The following PBRM1 variants were observed in gnomAD, a reference collection of about 807,000 sequenced individuals.
PBRM1 encodes polybromo 1, also known as protein polybromo-1.
PBRM1 carries 27 observed loss-of-function variants against 194.5 expected under a neutral mutation model. The ratio of observed to expected loss-of-function variants is 0.14; its 90% CI spans 0.10 to 0.19. The LOEUF is 0.19. PBRM1 is among the 10% of genes least tolerant of loss of function. The pLI is 1.00. For missense variants in PBRM1, 1,466 were observed against 2,077.2 expected (o/e 0.71, Z 5.72); for synonymous variants, 655 against 693.2 (o/e 0.94, Z 0.87).
In PBRM1 at chr3:52,550,571, G is replaced by A. The variant is rs144852450; in HGVS notation, c.4747C>T (p.Pro1583Ser). Residue 1583 changes from proline to serine, a missense_variant, in exon 29 of 30, where the codon CCC (proline) becomes TCC (serine). Physicochemically the swap from Pro to Ser is moderately conservative, Grantham distance 74. Coordinates refer to ENST00000296302, the Ensembl canonical transcript of PBRM1. Reference sequence around the variant, plus strand: ...GTTGTTGGCTGCTGTATGACAGGGGGTCCAGCTGGATGTGGGCCGGGATAT... The same window carrying A: ...GTTGTTGGCTGCTGTATGACAGGGGATCCAGCTGGATGTGGGCCGGGATAT... The A allele has an allele frequency of 3.9e-4, 602 of 1,544,068 alleles. 1 individual carries two copies. In the Middle Eastern group the frequency reaches 5.9e-3, roughly 15 times the overall value.
At chr3:52,640,364 C>G (rs999590794) in intron 10 of PBRM1, among the ~76,000 whole-genome samples, 8 of 151,678 alleles carry the variant, frequency 5.3e-5, no homozygotes, top group African/African-American at 1.9e-4. Context: ...CTCAACCTCC[C>G]TGGGCTCAGG....
At chr3:52,569,715 G>T (rs749495072) in intron 22 of PBRM1, among the ~76,000 whole-genome samples, 51 of 152,282 alleles carry the variant, frequency 3.3e-4, no homozygotes, top group Middle Eastern at 3.4e-3. Flanking sequence ...TTTTCATACA[G>T]ATGTGGCATA....
chr3:52,587,769 C>T (rs984755623), intron 18 of PBRM1, among the ~76,000 whole-genome samples: 2 of 150,118 alleles, frequency 1.3e-5, no homozygotes, highest in African/African-American at 4.9e-5. Context: ...TCTGCCATGA[C>T]ATGAACCTAG....
chr3:52,642,195 G>A, intron 9 of PBRM1, 150 bp from the exon 11 acceptor site: 1 of 597,124 alleles, frequency 1.7e-6, no homozygotes, highest in East Asian at 2.8e-5. Context: ...GTACTTAATG[G>A]TTCTCATAAT....
intron 10 of PBRM1, 34 bp downstream of exon 11, chr3:52,641,920 G>A: frequency 8.3e-7 from 1 of 1,207,856 alleles, no homozygotes; most frequent in East Asian, 2.3e-5. Context: ...GATCCACTAA[G>A]AAGGCATTTC....
chr3:52,564,361 C>T (rs1251790250), intron 22 of PBRM1, 128 bp from the exon 25 acceptor site: 6 of 717,050 alleles, frequency 8.4e-6, no homozygotes, highest in Non-Finnish European at 1.4e-5. Context: ...ATGAAAGGGG[C>T]TAGGCATGGT....
intron 13 of PBRM1, 150 bp from the exon 15 acceptor site, chr3:52,625,091 G>C: frequency 3.0e-6 from 2 of 656,300 alleles, no homozygotes; most frequent in Non-Finnish European, 5.5e-6. Flanking sequence ...AAGGAAGACA[G>C]ATGTTGGCAG....
intron 6 of PBRM1, among the ~76,000 whole-genome samples, chr3:52,648,831 C>T (rs775388388): frequency 5.3e-5 from 8 of 152,188 alleles, no homozygotes; most frequent in Non-Finnish European, 1.2e-4. Context: ...CCCCTAGTTA[C>T]ATGAACCACT....
chr3:52,673,697 C>G (rs911546077), intron 2 of PBRM1, among the ~76,000 whole-genome samples: 3 of 134,048 alleles, frequency 2.2e-5, no homozygotes, highest in Non-Finnish European at 4.8e-5. Context: ...AAAAAAGCTT[C>G]TTTCTCAAGG....
At chr3:52,601,183 AGTAGT>A (rs1252123715) in intron 17 of PBRM1, among the ~76,000 whole-genome samples, 1 of 152,216 alleles carries the variant, frequency 6.6e-6, no homozygotes, top group Non-Finnish European at 1.5e-5. Flanking sequence ...GGGTTTGTAC[AGTAGT>A]GTAATCTCTG....
intron 3 of PBRM1, among the ~76,000 whole-genome samples, chr3:52,666,115 T>A (rs191398383): frequency 1.3e-4 from 20 of 152,042 alleles, no homozygotes; most frequent in African/African-American, 4.3e-4. Context: ...AATAACAAAA[T>A]GCACTGAAGA....
At chr3:52,683,535 C>T (rs1329179495), upstream of PBRM1, among the ~76,000 whole-genome samples, 1 of 151,972 alleles carries the variant, frequency 6.6e-6, no homozygotes, top group Non-Finnish European at 1.5e-5. Flanking sequence ...CACTTAGGGC[C>T]AGGCACAGTG....
chr3:52,612,618 A>AGTCCCTCTCCCTCTCCCTCTCC (rs2094695226), intron 15 of PBRM1, among the ~76,000 whole-genome samples: 1 of 152,072 alleles, frequency 6.6e-6, no homozygotes. Context: ...AGAGTATAAC[A>AGTCCCTCTCCCTCTCCCTCTCC]ATCTGCTGGG....
chr3:52,685,180 T>C (rs1202300137), intron 1 of PBRM1, among the ~76,000 whole-genome samples: 1 of 152,174 alleles, frequency 6.6e-6, no homozygotes, highest in Non-Finnish European at 1.5e-5. Context: ...TCTTCCCCTT[T>C]AAATTAAAAC....
intron 5 of PBRM1, among the ~76,000 whole-genome samples, chr3:52,657,940 C>T (rs1031368826): frequency 6.6e-6 from 1 of 151,902 alleles, no homozygotes; most frequent in African/African-American, 2.4e-5. Context: ...TATAGGCATG[C>T]GCCACCACAC....
intron 22 of PBRM1, among the ~76,000 whole-genome samples, chr3:52,570,313 T>C (rs1222599153): frequency 2.6e-5 from 4 of 152,212 alleles, no homozygotes; most frequent in Non-Finnish European, 5.9e-5. Flanking sequence ...TTAACAGGAA[T>C]GTTCATAGCT....
Position 52,561,777 on chromosome 3 carries a change from T to A in PBRM1, c.4278A>T (p.Ala1426=), listed in dbSNP as rs777904745. The change falls in exon 25 of 30, where the codon GCA becomes GCT. Residue 1426 remains alanine (A), a synonymous_variant. Coordinates refer to ENST00000296302, the Ensembl canonical transcript of PBRM1. ...CTAGGCTCTATTTACCTTCATATTC[T>A]GCTTTCTTGGCTGTCTCAAGATTTC... 1.9e-6 allele frequency: 3 copies of A among 1,613,956 alleles called. No homozygotes were observed. The South Asian group carries it at 3.3e-5, about 18-fold the overall frequency.
rs116190841 is a variant in PBRM1 at position 52,655,864 on chromosome 3, T to C, written c.645+2335A>G. Among the ~76,000 whole-genome samples, 826 of 152,310 alleles carry C rather than the reference T, an allele frequency of 5.4e-3. 10 individuals carry two copies. Among genetic ancestry groups the C allele is most frequent in the African/African-American group, 0.019 (787 of 41,564 alleles). ...CTCATCAGTCAACAAGCATCTTGCA[T>C]ATCTATGACCACCCAGCATGGGGTA... is the stretch of plus-strand genomic sequence containing the variant. On this transcript the variant is annotated intron_variant, in intron 5 of 29. Coordinates refer to ENST00000296302, the Ensembl canonical transcript of PBRM1.
chr3:52,593,808 C>T (rs2093324158), intron 17 of PBRM1, among the ~76,000 whole-genome samples: 1 of 151,856 alleles, frequency 6.6e-6, no homozygotes, highest in South Asian at 2.1e-4. Flanking sequence ...TATAATTTTC[C>T]TTCTTTTGCA....
Sources: allele counts gnomAD v4.1 joint callset (sites outside exome capture counted in the v4.1 genomes callset), GRCh38; gene constraint gnomAD v4.1.1; transcripts MANE v1.5; gene names NCBI Gene and HGNC (gene_info 2026-07-23, HGNC 2026-07-21).